The following SPPL3 variants were observed in gnomAD, a reference collection of about 807,000 sequenced individuals.
SPPL3 encodes signal peptide peptidase-like 3.
SPPL3 carries 5 observed loss-of-function variants against 42.4 expected under a neutral mutation model. The observed-to-expected ratio is 0.12, with a 90% CI of 0.06 to 0.25. SPPL3 has a LOEUF of 0.25. Among genes scored for constraint, SPPL3 ranks in the 10% least tolerant of loss-of-function variants. SPPL3 has a pLI of 1.00. For synonymous variants in SPPL3, 195 were observed against 181.8 expected (o/e 1.07, Z -0.58); for missense variants, 235 against 489.0 (o/e 0.48, Z 4.90).
intron 1 of SPPL3, among the ~76,000 whole-genome samples, chr12:120,823,740 C>G (rs913575456): frequency 1.3e-4 from 20 of 152,166 alleles, no homozygotes; most frequent in African/African-American, 4.8e-4. Context: ...GTCATGTGCC[C>G]AGCACTGTCC....
chr12:120,862,368 C>G (rs1311648037), intron 1 of SPPL3, among the ~76,000 whole-genome samples: 2 of 152,070 alleles, frequency 1.3e-5, no homozygotes, highest in Non-Finnish European at 1.5e-5. Flanking sequence ...GTCACAGGCC[C>G]TGCATGTTAA....
intron 3 of SPPL3, among the ~76,000 whole-genome samples, chr12:120,787,343 G>T (rs1029723697): frequency 2.0e-5 from 3 of 152,090 alleles, no homozygotes; most frequent in Non-Finnish European, 1.5e-5. Context: ...TCAGATAATT[G>T]GGCAGGGGTG....
At position 120,764,668 on chromosome 12, in the gene SPPL3, T is replaced by C; in HGVS notation, c.*331A>G. ...AGTTCTAGAAAGACTCCTCGCTGTT[T>C]TCAGTTTTTAAACAGTCAAATCTCC... is the stretch of plus-strand genomic sequence containing the variant. On this transcript the variant is annotated 3_prime_UTR_variant, in exon 11 of 11. Coordinates refer to ENST00000353487, the MANE Select transcript of SPPL3 (RefSeq NM_139015.5). 2.5e-6 allele frequency: 1 copy of C among 396,006 alleles called. No individual in the cohort carries two copies. Among genetic ancestry groups the C allele is most frequent in the Non-Finnish European group, 4.5e-6 (1 of 224,694 alleles). The allele number at this position is 396,006 out of a possible 1,614,324, so 24.5% of individuals were successfully genotyped here. A position where few individuals can be genotyped will look rare whatever the true frequency, so the allele number is the denominator to read the frequency against.
intron 3 of SPPL3, 133 bp from the exon 4 acceptor site, chr12:120,784,726 CT>C: frequency 1.7e-6 from 1 of 581,600 alleles, no homozygotes. Flanking sequence ...TATCCAGGCC[CT>C]ATGAGTCTTT....
intron 1 of SPPL3, among the ~76,000 whole-genome samples, chr12:120,843,311 T>G (rs1012741393): frequency 1.2e-4 from 18 of 152,244 alleles, no homozygotes; most frequent in African/African-American, 3.9e-4. Context: ...GATTTAAGAC[T>G]TGCCTATAAT....
chr12:120,809,500 T>C (rs556651268), intron 2 of SPPL3, among the ~76,000 whole-genome samples: 1 of 152,362 alleles, frequency 6.6e-6, no homozygotes, highest in South Asian at 2.1e-4. Context: ...TAGTTAAAAA[T>C]CTTTACGCCT....
rs71453512 is a variant in SPPL3 at position 120,871,130 on chromosome 12, C to CAAAAAAAAAAAAAAAAAAAAAAAAAAA, written c.23+32714_23+32715insTTTTTTTTTTTTTTTTTTTTTTTTTTT. 7.9e-4 allele frequency among the ~76,000 whole-genome samples: 41 copies of CAAAAAAAAAAAAAAAAAAAAAAAAAAA among 51,700 alleles called. 3 individuals are homozygous for CAAAAAAAAAAAAAAAAAAAAAAAAAAA. The highest frequency in any genetic ancestry group is 1.2e-3 in the Non-Finnish European group (34 of 27,560). The allele number at this position is 51,700 out of a possible 152,430, so 33.9% of individuals were successfully genotyped here. A position where few individuals can be genotyped will look rare whatever the true frequency, so the allele number is the denominator to read the frequency against. ...GGGCGACAGAGTGAGACTCCGTCTC[C>CAAAAAAAAAAAAAAAAAAAAAAAAAAA]AAAAAAAAAAAAAAAAAAAGAAAAA... On this transcript the variant is annotated intron_variant, in intron 1 of 10. Coordinates refer to ENST00000353487, the MANE Select transcript of SPPL3 (RefSeq NM_139015.5).
intron 1 of SPPL3, among the ~76,000 whole-genome samples, chr12:120,829,254 G>A (rs1409944655): frequency 6.6e-6 from 1 of 152,082 alleles, no homozygotes; most frequent in African/African-American, 2.4e-5. Flanking sequence ...TTAAAACACA[G>A]AACAGATCAT....
rs150886925 is a variant in SPPL3 at position 120,874,336 on chromosome 12, C to T, written c.23+29509G>A. Among the ~76,000 whole-genome samples, 884 of 151,146 alleles carry T rather than the reference C, an allele frequency of 5.8e-3. 11 individuals are homozygous for T. The highest frequency in any genetic ancestry group is 0.019 in the African/African-American group (799 of 41,174). On this transcript the variant is annotated intron_variant, in intron 1 of 10. Coordinates refer to ENST00000353487, the MANE Select transcript of SPPL3 (RefSeq NM_139015.5). ...GGCGTGGAGATGGGTGCCTGTAGTC[C>T]CAGATACTCAGGAGGCTGAGGCAGG...
chr12:120,768,186 T>C, intron 8 of SPPL3, 139 bp downstream of exon 8: 1 of 1,115,602 alleles, frequency 9.0e-7, no homozygotes, highest in East Asian at 2.5e-5. Flanking sequence ...AAGAATCTCA[T>C]CCTCATTTCC....
At chr12:120,876,016 A>ACCCCCC (rs36042995) in intron 1 of SPPL3, among the ~76,000 whole-genome samples, 14 of 144,128 alleles carry the variant, frequency 9.7e-5, no homozygotes, top group Non-Finnish European at 2.0e-4. Context: ...AAACAAACAG[A>ACCCCCC]CCCCCCCCAC....
At chr12:120,810,959 T>C in intron 1 of SPPL3, 73 bp from the exon 2 acceptor site, 1 of 1,056,398 alleles carries the variant, frequency 9.5e-7, no homozygotes, top group East Asian at 2.5e-5. Context: ...CTAATGGAGT[T>C]CTATAAACCC....
chr12:120,800,029 G>A (rs1870236239), intron 2 of SPPL3, among the ~76,000 whole-genome samples: 1 of 152,142 alleles, frequency 6.6e-6, no homozygotes, highest in African/African-American at 2.4e-5. Flanking sequence ...AGATTGCTAG[G>A]TTGGACCTAG....
At chr12:120,898,104 G>A (rs938876128) in intron 1 of SPPL3, among the ~76,000 whole-genome samples, 9 of 151,950 alleles carry the variant, frequency 5.9e-5, no homozygotes, top group Admixed American at 6.6e-5. Context: ...TTGAAGTCAG[G>A]AGTTCGAGAC....
chr12:120,785,266 A>T (rs897647263), intron 3 of SPPL3, among the ~76,000 whole-genome samples: 19 of 151,026 alleles, frequency 1.3e-4, no homozygotes, highest in Non-Finnish European at 2.5e-4. Flanking sequence ...AAAAAAAAAA[A>T]TTTATTTTAT....
At chr12:120,842,228 A>T (rs1403016329) in intron 1 of SPPL3, among the ~76,000 whole-genome samples, 2 of 152,236 alleles carry the variant, frequency 1.3e-5, no homozygotes, top group Non-Finnish European at 2.9e-5. Context: ...AAGAGGGAAC[A>T]CAGTTATAAA....
chr12:120,780,805 T>A (rs550623414), intron 6 of SPPL3, among the ~76,000 whole-genome samples: 19 of 151,068 alleles, frequency 1.3e-4, no homozygotes, highest in African/African-American at 4.6e-4. Context: ...CCCAGCTACT[T>A]GGGAGGCTGA....
intron 1 of SPPL3, among the ~76,000 whole-genome samples, chr12:120,894,312 G>C (rs1212964233): frequency 1.3e-5 from 2 of 152,002 alleles, no homozygotes; most frequent in Non-Finnish European, 2.9e-5. Context: ...CAACAAGACC[G>C]AAACTCCATC....
chr12:120,819,088 T>C (rs181768562), intron 1 of SPPL3, among the ~76,000 whole-genome samples: 8 of 152,328 alleles, frequency 5.3e-5, no homozygotes, highest in Middle Eastern at 3.4e-3. Flanking sequence ...GATGGATAGT[T>C]GGAAAAGAAG....
Sources: gnomAD v4.1 joint callset for allele counts (sites outside exome capture counted in the v4.1 genomes callset) on GRCh38, gnomAD v4.1.1 for gene constraint, MANE v1.5 for transcripts, NCBI Gene and HGNC (gene_info 2026-07-23, HGNC 2026-07-21) for gene names.